The following F8 variants were observed in gnomAD, a reference collection of about 807,000 sequenced individuals.
The protein encoded by F8 is antihemophilic factor.
In F8, 12 loss-of-function variants were observed where a neutral mutation model predicts 140.6. The ratio of observed to expected loss-of-function variants is 0.09; its 90% confidence interval spans 0.05 to 0.14. F8 has a LOEUF of 0.14. F8 is among the 10% of genes least tolerant of loss of function. The probability of loss-of-function intolerance (pLI) is 1.00; values close to 1 mark genes in which losing one functional copy is unlikely to be tolerated. For synonymous variants in F8, 585 were observed against 614.6 expected (o/e 0.95, Z 0.71); for missense variants, 1,354 against 1,720.7 (o/e 0.79, Z 3.77).
intron 6 of F8, among the ~76,000 whole-genome samples, chrX:154,979,223 T>C (rs2073503840): frequency 8.9e-6 from 1 of 111,779 alleles, no homozygotes; most frequent in South Asian, 3.8e-4. Context: ...TTGTGGCTGC[T>C]ATGGATCGCA....
chrX:154,930,739 T>C lies in F8; in HGVS notation c.3051A>G (p.Leu1017=), dbSNP rs782241921. Residue 1017 remains leucine, a synonymous_variant, in exon 14 of 26, where the codon TTA becomes TTG. Transcript: ENST00000360256. ...NALFKVSISL[L]KTNKTSNNSA... ...AATTATTGGAAGTTTTGTTTGTCTT[T>C]AACAAAGAGATGCTAACTTTGAATA... 148 of 1,207,442 alleles carry C rather than the reference T, an allele frequency of 1.2e-4. No homozygotes were observed. The highest frequency in any genetic ancestry group is 1.6e-4 in the Non-Finnish European group (143 of 893,140).
In F8 at chrX:154,845,903, C is replaced by T. The variant is rs781893054; in HGVS notation, c.6901-8151G>A. The stretch of plus-strand genomic sequence containing the variant: ...TGATGTTAGGGTGTCAATTTTTGAT[C>T]TTTCCTGCTTTCTCCTGTGGGCACT... On this transcript the variant is annotated intron_variant, in intron 25 of 25. Transcript: ENST00000360256. Among the ~76,000 whole-genome samples the T allele has an allele frequency of 4.5e-5, 5 of 112,131 alleles. No individual in the cohort carries two copies. The South Asian group carries it at 1.8e-3, about 41-fold the overall frequency.
chrX:155,013,449 G>A (rs925994640), intron 1 of F8, among the ~76,000 whole-genome samples: 3 of 111,391 alleles, frequency 2.7e-5, no homozygotes, highest in Non-Finnish European at 5.7e-5. Context: ...ATGATTGTGA[G>A]GCCTCCCCAG....
At chrX:154,986,802 G>A (rs1333065133) in intron 5 of F8, among the ~76,000 whole-genome samples, 1 of 111,240 alleles carries the variant, frequency 9.0e-6, no homozygotes, top group Non-Finnish European at 1.9e-5. Context: ...ACTATTGAGG[G>A]CCTACTCTAT....
At chrX:154,907,257 T>G (rs2073043438) in intron 14 of F8, among the ~76,000 whole-genome samples, 2 of 112,622 alleles carry the variant, frequency 1.8e-5, no homozygotes, top group African/African-American at 6.4e-5. Flanking sequence ...TGTTTCTTCT[T>G]TCACTTAGCA....
intron 7 of F8, among the ~76,000 whole-genome samples, chrX:154,968,449 C>T (rs1377033971): frequency 9.0e-6 from 1 of 111,612 alleles, no homozygotes; most frequent in Non-Finnish European, 1.9e-5. Context: ...TATTGCAGCA[C>T]AAACTGACTA....
chrX:154,897,076 C>T (rs1234775125), intron 21 of F8, among the ~76,000 whole-genome samples: 1 of 112,298 alleles, frequency 8.9e-6, no homozygotes, highest in African/African-American at 3.2e-5. Context: ...CTCTCTAGCC[C>T]CAGCACCTAA....
chrX:154,977,116 T>C lies in F8; in HGVS notation c.788-7564A>G, dbSNP rs192971330. On this transcript the variant is annotated intron_variant, in intron 6 of 25. Coordinates refer to ENST00000360256, the MANE Select transcript of F8 (RefSeq NM_000132.4). ...CAGAATACCTTATAGTTATAACAAG[T>C]TAGTTTGAACTGATAACAACTTAAT... Among the ~76,000 whole-genome samples the C allele has an allele frequency of 4.5e-5, 5 of 112,214 alleles. No homozygotes were observed. In the East Asian group the frequency reaches 1.4e-3, roughly 31 times the overall value.
At chrX:155,013,124 T>C (rs782461198) in intron 1 of F8, among the ~76,000 whole-genome samples, 233 of 83,275 alleles carry the variant, frequency 2.8e-3, no homozygotes, top group African/African-American at 2.8e-3. Context: ...CCAGCCTGGG[T>C]GACAGAGCGA....
chrX:154,858,982 G>A (rs1437100129), intron 25 of F8, among the ~76,000 whole-genome samples: 2 of 112,380 alleles, frequency 1.8e-5, no homozygotes, highest in Non-Finnish European at 3.8e-5. Flanking sequence ...AGTAGACTGA[G>A]TAAAGCAGAT....
chrX:154,982,213 C>T (rs1603435962), intron 6 of F8, among the ~76,000 whole-genome samples: 1 of 103,037 alleles, frequency 9.7e-6, no homozygotes, highest in Non-Finnish European at 2.0e-5. Flanking sequence ...TTTGGGAGGC[C>T]AAGGCGGGTG....
chrX:154,953,361 T>C (rs2073347371), intron 12 of F8, among the ~76,000 whole-genome samples: 1 of 111,559 alleles, frequency 9.0e-6, no homozygotes. Context: ...CAAAGATATA[T>C]AAAGGAGAAA....
intron 25 of F8, among the ~76,000 whole-genome samples, chrX:154,852,064 C>A (rs1461148712): frequency 2.7e-5 from 3 of 111,282 alleles, no homozygotes; most frequent in Non-Finnish European, 5.7e-5. Context: ...TTTTTTGATA[C>A]ATTTTTAGTT....
In F8 at chrX:154,906,572, C is replaced by T. The variant is rs782710956; in HGVS notation, c.5221G>A (p.Ala1741Thr). 4 of 1,209,526 alleles carry T rather than the reference C, an allele frequency of 3.3e-6. No homozygotes were observed. The highest frequency in any genetic ancestry group is 4.5e-6 in the Non-Finnish European group (4 of 894,202). Residue 1741 changes from alanine (A) to threonine (T), a missense_variant and splice_region_variant, in exon 15 of 26, where the codon GCT becomes ACT. By Grantham distance (58) the Ala-to-Thr change is moderately conservative. Transcript: ENST00000360256. ...SSSPHVLRNRAQSGSVPQFKK... is the reference protein window; with the variant it reads ...SSSPHVLRNRTQSGSVPQFKK... ...AACTGAGGGACACTGCCACTCTGAG[C>T]CCTGGAGAAAAAAAGCAGAGGAAAA...
In F8 at chrX:154,860,477, T is replaced by C. The variant is rs1557272785; in HGVS notation, c.6855A>G (p.Gln2285=). ...YVKEFLISSS[Q]DGHQWTLFFQ... is the part of the protein sequence containing the mutation. Reference sequence around the variant, plus strand: ...AAAAGAGAGTCCACTGATGGCCATCTTGACTGCTGGAGATGAGGAACTCCT... The same window carrying C: ...AAAAGAGAGTCCACTGATGGCCATCCTGACTGCTGGAGATGAGGAACTCCT... The change falls in exon 25 of 26, where the codon CAA becomes CAG. Residue 2285 remains glutamine, a synonymous_variant. Coordinates refer to ENST00000360256, the MANE Select transcript of F8 (RefSeq NM_000132.4). The C allele has an allele frequency of 8.3e-7, 1 of 1,211,782 alleles. No individual in the cohort carries two copies. The highest frequency in any genetic ancestry group is 1.1e-6 in the Non-Finnish European group (1 of 895,386).
intron 6 of F8, among the ~76,000 whole-genome samples, chrX:154,975,433 A>G (rs964723098): frequency 8.0e-5 from 9 of 112,273 alleles, no homozygotes; most frequent in Non-Finnish European, 1.5e-4. Context: ...GGCAGGAAAA[A>G]AATACTTCAT....
intron 14 of F8, chrX:154,909,224 G>T: frequency 6.0e-6 from 1 of 165,434 alleles, no homozygotes. Flanking sequence ...GGGTTTGAGG[G>T]CACCAGTCAC....
Position 154,894,390 on chromosome X carries a change from G to A in F8, c.6429+1687C>T, listed in dbSNP as rs782050692. Among the ~76,000 whole-genome samples, 7 of 81,623 alleles carry A rather than the reference G, an allele frequency of 8.6e-5. No individual in the cohort carries two copies. The East Asian group carries it at 2.2e-3, about 25-fold the overall frequency. The allele number at this position is 81,623 out of a possible 115,157, so 70.9% of individuals were successfully genotyped here. ...GAAAAGGTTATGTAGTCTTCACCTT[G>A]TTAACTGTAACACTCACACTTGGAG... On this transcript the variant is annotated intron_variant, in intron 22 of 25. Transcript: ENST00000360256.
At chrX:154,915,757 T>C (rs1362908478) in intron 14 of F8, among the ~76,000 whole-genome samples, 1 of 112,077 alleles carries the variant, frequency 8.9e-6, no homozygotes, top group Non-Finnish European at 1.9e-5. Flanking sequence ...CATTATATCG[T>C]CTACAAACAA....
Sources: allele counts gnomAD v4.1 joint callset (sites outside exome capture counted in the v4.1 genomes callset), GRCh38; gene constraint gnomAD v4.1.1; transcripts MANE v1.5; gene names NCBI Gene and HGNC (gene_info 2026-07-23, HGNC 2026-07-21).